PCNT: variants seen among roughly 807,000 people sequenced by gnomAD.
The protein encoded by PCNT is pericentrin.
In PCNT, 319 loss-of-function variants were observed where a neutral mutation model predicts 380.4. That is an observed-to-expected ratio of 0.84 (90% CI 0.77 to 0.92). The LOEUF (loss-of-function observed/expected upper bound fraction) is 0.92, where lower values mean the gene tolerates loss of function less well. Among genes scored for constraint, PCNT ranks in the 40% least tolerant of loss-of-function variants. The pLI, the probability that PCNT is intolerant of heterozygous loss-of-function variation, is 0.00. For synonymous variants in PCNT, 1,845 were observed against 1,735.2 expected, an observed-to-expected ratio of 1.06 and a Z score of -1.57; for missense variants, 4,400 against 4,255.3, an observed-to-expected ratio of 1.03 and a Z score of -0.95.
intron 15 of PCNT, among the ~76,000 whole-genome samples, chr21:46,371,001 C>G (rs946917563): frequency 2.4e-4 from 37 of 152,014 alleles, no homozygotes; most frequent in Admixed American, 8.5e-4. Context: ...CGCCATTGCC[C>G]TCCAGCCTGG....
intron 14 of PCNT, among the ~76,000 whole-genome samples, chr21:46,365,467 G>T (rs112752592): frequency 1.1e-5 from 1 of 92,104 alleles, no homozygotes; most frequent in African/African-American, 4.5e-5. Context: ...GTGGGGTTCT[G>T]TTCACTGCCG....
intron 24 of PCNT, among the ~76,000 whole-genome samples, chr21:46,398,982 G>A (rs1052349763): frequency 5.9e-5 from 9 of 151,586 alleles, no homozygotes; most frequent in Non-Finnish European, 1.0e-4. Context: ...ACCACACCCC[G>A]CTAATTTTTT....
intron 4 of PCNT, 21 bp downstream of exon 4, chr21:46,346,229 C>G (rs989782226): frequency 6.3e-7 from 1 of 1,594,134 alleles, no homozygotes; most frequent in Non-Finnish European, 8.6e-7. Flanking sequence ...GGGGCCTGCA[C>G]AGGCTCACAG....
At chr21:46,408,771 G>T (rs2086694262) in intron 27 of PCNT, among the ~76,000 whole-genome samples, 1 of 141,536 alleles carries the variant, frequency 7.1e-6, no homozygotes, top group African/African-American at 2.7e-5. Flanking sequence ...GGCCCAGGCT[G>T]CAGTGCAGCG....
Position 46,326,479 on chromosome 21 carries a change from G to A in PCNT, c.157G>A (p.Glu53Lys). ...GGCTGTCGATGCGTCTGTCCAGGAG[G>A]AGAGTCCGGTAACCAAGGAGGACAG... is the stretch of plus-strand genomic sequence containing the variant. ...GSAVDASVQE[E>K]SPVTKEDSAL... Residue 53 changes from glutamate to lysine, a missense_variant, in exon 2 of 47, where the codon GAG becomes AAG. Physicochemically the swap from Glu to Lys is moderately conservative, Grantham distance 56 (BLOSUM62 1). Transcript: ENST00000359568. 1 of 1,614,234 alleles carries A rather than the reference G, an allele frequency of 6.2e-7. No individual in the cohort carries two copies. Among genetic ancestry groups the A allele is most frequent in the Non-Finnish European group, 8.5e-7 (1 of 1,180,038 alleles).
intron 6 of PCNT, 32 bp from the exon 7 acceptor site, chr21:46,348,980 A>C (rs1358215530): frequency 7.3e-7 from 1 of 1,366,652 alleles, no homozygotes; most frequent in Non-Finnish European, 1.0e-6. Context: ...ATAATCAACT[A>C]TTGAGTTTAA....
intron 30 of PCNT, among the ~76,000 whole-genome samples, chr21:46,417,113 G>A (rs1019984732): frequency 2.0e-5 from 3 of 151,150 alleles, no homozygotes; most frequent in African/African-American, 7.3e-5. Flanking sequence ...GCCCAGACAC[G>A]TCTTCGTGTG....
chr21:46,409,650 G>A (rs529327391), intron 27 of PCNT, among the ~76,000 whole-genome samples: 10 of 152,028 alleles, frequency 6.6e-5, no homozygotes, highest in Admixed American at 1.3e-4. Context: ...CCCAGGCTGC[G>A]GTGCAGTGGC....
Position 46,416,875 on chromosome 21 carries a change from C to T in PCNT, c.6921+36C>T, listed in dbSNP as rs780721074. 49 of 1,593,920 alleles carry T rather than the reference C, an allele frequency of 3.1e-5. 1 individual carries two copies. The African/African-American group carries it at 3.6e-4, about 12-fold the overall frequency. ...GCTCTGCTCCCAGGCCTGCTGTTCC[C>T]GTGGGAATGTGGTCTGCCCGGCGCC... is the stretch of plus-strand genomic sequence containing the variant. On this transcript the variant is annotated intron_variant, in intron 30 of 46. Coordinates refer to ENST00000359568, the MANE Select transcript of PCNT (RefSeq NM_006031.6).
At chr21:46,351,103 C>T (rs927455582) in intron 8 of PCNT, among the ~76,000 whole-genome samples, 2 of 152,200 alleles carry the variant, frequency 1.3e-5, no homozygotes, top group Non-Finnish European at 2.9e-5. Context: ...TGACCCTAAA[C>T]CGAAGCAGGG....
rs201943167 is a variant in PCNT, at chr21:46,411,616, A to C, written c.5543A>C (p.Glu1848Ala). 6.2e-7 allele frequency: 1 copy of C among 1,612,952 alleles called. No homozygotes were observed. Among genetic ancestry groups the C allele is most frequent in the East Asian group, 2.2e-5 (1 of 44,860 alleles). ...LERNVALREA[E>A]VEDMASRIQE... The stretch of plus-strand genomic sequence containing the variant: ...CGCAATGTAGCCCTCAGGGAGGCTG[A>C]GGTCGAAGACATGGCCTCCCGGATC... Residue 1848 changes from glutamate (E) to alanine (A), a missense_variant, in exon 28 of 47, where the codon GAG (glutamate) becomes GCG (alanine). Physicochemically the swap from Glu to Ala is moderately radical, Grantham distance 107 (BLOSUM62 -1). Coordinates refer to ENST00000359568, the MANE Select transcript of PCNT (RefSeq NM_006031.6).
At chr21:46,332,152 C>A (rs1009843956) in intron 2 of PCNT, among the ~76,000 whole-genome samples, 1 of 152,130 alleles carries the variant, frequency 6.6e-6, no homozygotes, top group Non-Finnish European at 1.5e-5. Context: ...AAGAGCGAGA[C>A]TTTATCTCCA....
chr21:46,367,001 A>G lies in PCNT; in HGVS notation c.3027A>G (p.Gln1009=), dbSNP rs765474005. The change falls in exon 15 of 47, where the codon CAA becomes CAG. Residue 1009 remains glutamine, a synonymous_variant. Transcript: ENST00000359568. ...TGTGGAAAAAGGACTCTCTTCACCA[A>G]ACGATTTTGACTCAAGAGTTGGAGA... ...EQLWKKDSLH[Q]TILTQELEKL... is the part of the protein sequence containing the mutation. 4 of 1,614,172 alleles carry G rather than the reference A, an allele frequency of 2.5e-6. No individual in the cohort carries two copies. The South Asian group carries it at 4.4e-5, about 18-fold the overall frequency.
intron 25 of PCNT, among the ~76,000 whole-genome samples, chr21:46,400,949 G>A (rs1456003818): frequency 6.6e-6 from 1 of 152,160 alleles, no homozygotes; most frequent in Non-Finnish European, 1.5e-5. Context: ...GAGCGGAGTT[G>A]TCCCCCTGGC....
intron 3 of PCNT, among the ~76,000 whole-genome samples, chr21:46,339,156 T>C (rs1361783515): frequency 1.3e-5 from 2 of 152,188 alleles, no homozygotes; most frequent in Non-Finnish European, 2.9e-5. Flanking sequence ...TCTCAGGTGA[T>C]CTGCTCACCT....
chr21:46,440,806 G>T (rs1222381537), intron 42 of PCNT, 49 bp from the exon 43 acceptor site: 1 of 1,126,910 alleles, frequency 8.9e-7, no homozygotes, highest in Non-Finnish European at 1.4e-6. Context: ...TTGTCAGCAA[G>T]ACAGTCTTTG....
intron 3 of PCNT, among the ~76,000 whole-genome samples, chr21:46,342,401 C>G (rs974404249): frequency 1.3e-5 from 2 of 152,048 alleles, no homozygotes; most frequent in African/African-American, 2.4e-5. Context: ...GCCACTGTGC[C>G]TGGTCTCCAT....
chr21:46,396,975 A>G (rs1001096388), intron 21 of PCNT, among the ~76,000 whole-genome samples: 1 of 152,074 alleles, frequency 6.6e-6, no homozygotes, highest in African/African-American at 2.4e-5. Context: ...GGCTCTCAGC[A>G]CCGTCCGTCG....
intron 3 of PCNT, among the ~76,000 whole-genome samples, chr21:46,336,013 C>T (rs2083724172): frequency 6.6e-6 from 1 of 150,874 alleles, no homozygotes; most frequent in African/African-American, 2.4e-5. Flanking sequence ...GAGTTTTGCT[C>T]TTGCCCAGGC....
Sources: gnomAD v4.1 joint callset for allele counts (sites outside exome capture counted in the v4.1 genomes callset) on GRCh38, gnomAD v4.1.1 for gene constraint, MANE v1.5 for transcripts, NCBI Gene and HGNC (gene_info 2026-07-23, HGNC 2026-07-21) for gene names.